Variants in PAM observed in about 807,000 individuals in gnomAD.
The protein encoded by PAM is peptidyl-glycine alpha-amidating monooxygenase.
Under a neutral mutation model 122.1 loss-of-function variants are expected in PAM, and 72 were observed. The ratio of observed to expected loss-of-function variants is 0.59; its 90% CI spans 0.49 to 0.72. PAM has a LOEUF of 0.72. Among genes scored for constraint, PAM ranks in the 30% least tolerant of loss-of-function variants. The probability of loss-of-function intolerance (pLI) is 0.00; values close to 1 mark genes in which losing one functional copy is unlikely to be tolerated. For missense variants in PAM, 1,106 were observed against 1,183.7 expected (o/e 0.93, Z 0.96); for synonymous variants, 389 against 404.4 (o/e 0.96, Z 0.46).
chr5:102,874,268 TTACTC>T (rs1788442093), intron 3 of PAM, among the ~76,000 whole-genome samples: 1 of 152,218 alleles, frequency 6.6e-6, no homozygotes, highest in Non-Finnish European at 1.5e-5. Context: ...ATTTGTATAT[TTACTC>T]TGCTTTGTCG....
At chr5:102,953,792 T>C (rs951082700) in intron 12 of PAM, among the ~76,000 whole-genome samples, 2 of 152,166 alleles carry the variant, frequency 1.3e-5, no homozygotes, top group African/African-American at 2.4e-5. Flanking sequence ...GGCGGGCAGA[T>C]TGCCTGAGGT....
rs7729773 is a variant in PAM at position 102,992,167 on chromosome 5, A to T, written c.1613+1766A>T. ...CTGTGCTAGCATCTAGGTAACCAGG[A>T]TCCTGTGGAAATAGATTCTGGTTTC... On this transcript the variant is annotated intron_variant, in intron 16 of 25. Transcript: ENST00000438793. 6.6e-5 allele frequency among the ~76,000 whole-genome samples: 10 copies of T among 152,224 alleles called. No homozygotes were observed. In the East Asian group the frequency reaches 1.9e-3, roughly 29 times the overall value.
chr5:102,779,178 A>G (rs1580950106), intron 1 of PAM, among the ~76,000 whole-genome samples: 1 of 151,840 alleles, frequency 6.6e-6, no homozygotes, highest in African/African-American at 2.4e-5. Context: ...TATGTGTAAT[A>G]TAACCTGCCT....
chr5:103,023,581 A>T (rs1784218835), intron 23 of PAM, among the ~76,000 whole-genome samples: 1 of 151,880 alleles, frequency 6.6e-6, no homozygotes, highest in South Asian at 2.1e-4. Context: ...AACTAGACAT[A>T]GAAAAGTTAT....
At chr5:102,826,044 T>C (rs1425628362) in intron 1 of PAM, among the ~76,000 whole-genome samples, 1 of 152,120 alleles carries the variant, frequency 6.6e-6, no homozygotes, top group African/African-American at 2.4e-5. Flanking sequence ...ATAATAAGAA[T>C]ACAGTGTTTG....
At chr5:102,927,497 T>C (rs1405124229) in intron 7 of PAM, among the ~76,000 whole-genome samples, 1 of 152,178 alleles carries the variant, frequency 6.6e-6, no homozygotes, top group African/African-American at 2.4e-5. Context: ...CTAAGTAACC[T>C]GATATGTTTC....
intron 7 of PAM, among the ~76,000 whole-genome samples, chr5:102,933,645 G>A (rs1369359572): frequency 1.3e-5 from 2 of 152,136 alleles, no homozygotes; most frequent in Admixed American, 6.5e-5. Flanking sequence ...ATGGCAGGAG[G>A]AAGAAAAAAC....
chr5:102,948,642 C>T (rs1757768918), intron 9 of PAM, among the ~76,000 whole-genome samples, 197 bp downstream of exon 9: 1 of 151,828 alleles, frequency 6.6e-6, no homozygotes, highest in South Asian at 2.1e-4. Flanking sequence ...CTTTTCCATT[C>T]TTTATTGAGA....
chr5:102,863,670 G>A (rs1251410713), intron 1 of PAM, among the ~76,000 whole-genome samples: 1 of 146,962 alleles, frequency 6.8e-6, no homozygotes, highest in African/African-American at 2.5e-5. Context: ...TTATCTCAAT[G>A]AAATATCTGA....
At chr5:102,793,048 C>A (rs1762460528) in intron 1 of PAM, among the ~76,000 whole-genome samples, 1 of 152,212 alleles carries the variant, frequency 6.6e-6, no homozygotes, top group Admixed American at 6.5e-5. Flanking sequence ...AGGAGCACAA[C>A]ATTCTCCACT....
At chr5:102,900,565 G>A (rs1307993905) in intron 3 of PAM, among the ~76,000 whole-genome samples, 1 of 151,520 alleles carries the variant, frequency 6.6e-6, no homozygotes, top group Non-Finnish European at 1.5e-5. Context: ...ATCCATGTTA[G>A]TGGAATCTGA....
intron 14 of PAM, among the ~76,000 whole-genome samples, chr5:102,969,073 C>T (rs897372081): frequency 2.0e-5 from 3 of 151,748 alleles, no homozygotes; most frequent in African/African-American, 7.3e-5. Flanking sequence ...GAACATCACA[C>T]ACCAGTGCCT....
At chr5:102,955,880 A>AT (rs1159203172) in intron 12 of PAM, among the ~76,000 whole-genome samples, 11 of 152,040 alleles carry the variant, frequency 7.2e-5, no homozygotes, top group Admixed American at 2.6e-4. Flanking sequence ...TTAAAATGAG[A>AT]TTTTTTGTTT....
rs563284028 is a variant in PAM at position 102,866,070 on chromosome 5, C to G, written c.-126C>G. The G allele has an allele frequency of 4.8e-4, 265 of 550,332 alleles. No homozygotes were observed. The highest frequency in any genetic ancestry group is 7.3e-4 in the Non-Finnish European group (235 of 323,010). 34.1% of individuals were successfully genotyped at this position (550,332 alleles called of 1,614,324 possible). ...TCGCTGGCGGATGGTGTGTGGCCGC[C>G]GCAGGACGCCCGCCGTGCCCGGGCC... On this transcript the variant is annotated 5_prime_UTR_variant, in exon 2 of 26. Coordinates refer to ENST00000438793, the MANE Select transcript of PAM (RefSeq NM_001177306.2).
In PAM at chr5:102,800,486, A is replaced by G. The variant is rs573636933; in HGVS notation, c.-374+45138A>G. On this transcript the variant is annotated intron_variant, in intron 1 of 25. Coordinates refer to ENST00000438793, the MANE Select transcript of PAM (RefSeq NM_001177306.2). ...TAGAAGTGCTCTCAGCAACCTTTAGAAGTGTCATTCTTTTTTCCTTCATGT... is the reference window on the plus strand; with the variant it reads ...TAGAAGTGCTCTCAGCAACCTTTAGGAGTGTCATTCTTTTTTCCTTCATGT... Among the ~76,000 whole-genome samples the G allele has an allele frequency of 1.1e-4, 16 of 152,268 alleles. No individual in the cohort carries two copies. In the East Asian group the frequency reaches 2.9e-3, roughly 28 times the overall value.
At chr5:102,802,073 G>A (rs1204594460) in intron 1 of PAM, among the ~76,000 whole-genome samples, 1 of 151,918 alleles carries the variant, frequency 6.6e-6, no homozygotes, top group Admixed American at 6.6e-5. Flanking sequence ...GTGAGCCACC[G>A]CGCCCGGCCG....
At chr5:102,774,193 T>C (rs73183113) in intron 1 of PAM, among the ~76,000 whole-genome samples, 4,014 of 152,216 alleles carry the variant, frequency 0.026, 169 homozygotes, top group African/African-American at 0.093. Flanking sequence ...TGTGTCTTTA[T>C]GATAGAATGA....
At chr5:102,901,293 A>G in intron 3 of PAM, 63 bp from the exon 4 acceptor site, 1 of 938,976 alleles carries the variant, frequency 1.1e-6, no homozygotes, top group Admixed American at 2.0e-5. Context: ...ACGTTTTAAT[A>G]GTTATTATTT....
chr5:103,011,586 G>A (rs1780651810), intron 21 of PAM, among the ~76,000 whole-genome samples: 1 of 152,144 alleles, frequency 6.6e-6, no homozygotes, highest in Non-Finnish European at 1.5e-5. Context: ...TATTGCAAAT[G>A]ACAGAGTCTT....
Sources: gnomAD v4.1 joint callset for allele counts (sites outside exome capture counted in the v4.1 genomes callset) on GRCh38, gnomAD v4.1.1 for gene constraint, MANE v1.5 for transcripts, NCBI Gene and HGNC (gene_info 2026-07-23, HGNC 2026-07-21) for gene names.